TLN2: variants seen among roughly 807,000 people sequenced by gnomAD.
The protein encoded by TLN2 is talin 2.
In TLN2, 118 loss-of-function variants were observed where a neutral mutation model predicts 294.7. That is an observed-to-expected ratio of 0.40 (90% CI 0.34 to 0.47). The LOEUF is 0.47. TLN2 is among the 20% of genes least tolerant of loss of function. The probability of loss-of-function intolerance (pLI) is 0.84; values close to 1 mark genes in which losing one functional copy is unlikely to be tolerated. For missense variants in TLN2, 3,083 were observed against 3,282.2 expected (o/e 0.94, Z 1.48); for synonymous variants, 1,431 against 1,304.5 (o/e 1.10, Z -2.09).
At chr15:62,467,585 G>A (rs927299930) in intron 1 of TLN2, among the ~76,000 whole-genome samples, 1 of 152,144 alleles carries the variant, frequency 6.6e-6, no homozygotes, top group South Asian at 2.1e-4. Flanking sequence ...CCAGCTACTC[G>A]AGAGACTGAG....
chr15:62,438,379 C>G (rs1247223959), intron 1 of TLN2, among the ~76,000 whole-genome samples: 2 of 152,182 alleles, frequency 1.3e-5, no homozygotes, highest in African/African-American at 4.8e-5. Context: ...CTTAGTCTAT[C>G]TGAAAGGTCC....
intron 28 of TLN2, among the ~76,000 whole-genome samples, chr15:62,734,971 C>T (rs1226649775): frequency 6.6e-6 from 1 of 152,190 alleles, no homozygotes. Context: ...CCAGCTCAGT[C>T]CTGTAGAAAA....
intron 1 of TLN2, among the ~76,000 whole-genome samples, chr15:62,459,914 A>G (rs1375377903): frequency 6.6e-6 from 1 of 152,130 alleles, no homozygotes; most frequent in Non-Finnish European, 1.5e-5. Context: ...TTCCCCTTGA[A>G]TGATCAATTT....
intron 4 of TLN2, among the ~76,000 whole-genome samples, chr15:62,648,546 T>TGATGACGA (rs1491143096): frequency 2.6e-4 from 4 of 15,380 alleles, no homozygotes; most frequent in African/African-American, 9.6e-4. Flanking sequence ...ATGATGACGA[T>TGATGACGA]TTTTTTTTTT....
At chr15:62,759,092 C>G (rs2062495588) in intron 37 of TLN2, among the ~76,000 whole-genome samples, 1 of 152,096 alleles carries the variant, frequency 6.6e-6, no homozygotes, top group African/African-American at 2.4e-5. Flanking sequence ...GTAAATTTAC[C>G]CTTTCATCAT....
chr15:62,774,057 A>G (rs560273464), intron 42 of TLN2, among the ~76,000 whole-genome samples: 1 of 151,592 alleles, frequency 6.6e-6, no homozygotes, highest in Admixed American at 6.6e-5. Context: ...TTGATGGGCC[A>G]CCACAGATTC....
intron 1 of TLN2, among the ~76,000 whole-genome samples, chr15:62,539,363 A>C (rs1015458555): frequency 2.6e-5 from 4 of 152,012 alleles, no homozygotes; most frequent in African/African-American, 9.7e-5. Context: ...AATAGTCCTT[A>C]AGGTGGTGAT....
intron 4 of TLN2, among the ~76,000 whole-genome samples, chr15:62,649,610 C>T (rs111451054): frequency 6.6e-6 from 1 of 152,122 alleles, no homozygotes; most frequent in African/African-American, 2.4e-5. Flanking sequence ...CTCTTTTACA[C>T]CGCTCAGTTG....
intron 54 of TLN2, among the ~76,000 whole-genome samples, chr15:62,821,660 G>A (rs1489713457): frequency 2.6e-5 from 4 of 152,168 alleles, no homozygotes; most frequent in African/African-American, 9.7e-5. Context: ...ACTTGGTAAA[G>A]GCACTTAAAC....
At chr15:62,494,883 C>T (rs1277502833) in intron 1 of TLN2, among the ~76,000 whole-genome samples, 1 of 152,118 alleles carries the variant, frequency 6.6e-6, no homozygotes, top group African/African-American at 2.4e-5. Flanking sequence ...CTGCTTGGCT[C>T]CTCCAGACCT....
chr15:62,725,628 A>G (rs973553446), intron 27 of TLN2, among the ~76,000 whole-genome samples: 1 of 152,170 alleles, frequency 6.6e-6, no homozygotes, highest in Non-Finnish European at 1.5e-5. Flanking sequence ...ATGACTGAAC[A>G]TTGCTAGTAA....
chr15:62,397,636 A>G (rs2032662888), intron 1 of TLN2, among the ~76,000 whole-genome samples: 1 of 152,204 alleles, frequency 6.6e-6, no homozygotes, highest in Non-Finnish European at 1.5e-5. Flanking sequence ...AACCCACTGG[A>G]AACCAGGGCT....
chr15:62,407,524 T>C (rs2033477424), intron 1 of TLN2, among the ~76,000 whole-genome samples: 1 of 152,164 alleles, frequency 6.6e-6, no homozygotes, highest in South Asian at 2.1e-4. Context: ...TACCCTATCA[T>C]GGACATAATT....
chr15:62,485,953 G>A (rs766313921), intron 1 of TLN2, among the ~76,000 whole-genome samples: 9 of 151,998 alleles, frequency 5.9e-5, no homozygotes, highest in African/African-American at 1.7e-4. Context: ...GGTGCAAATC[G>A]AGTGTTTTGA....
intron 1 of TLN2, among the ~76,000 whole-genome samples, chr15:62,457,495 A>G (rs1298771074): frequency 6.6e-6 from 1 of 152,200 alleles, no homozygotes; most frequent in Non-Finnish European, 1.5e-5. Flanking sequence ...TCTTTAAAGC[A>G]GAGGCTGGTG....
chr15:62,727,745 A>G (rs999842800), intron 28 of TLN2, among the ~76,000 whole-genome samples: 1 of 152,224 alleles, frequency 6.6e-6, no homozygotes, highest in African/African-American at 2.4e-5. Flanking sequence ...AGAAAAGCAG[A>G]AAAGTTATAC....
intron 1 of TLN2, among the ~76,000 whole-genome samples, chr15:62,488,296 C>T (rs1459488838): frequency 6.6e-6 from 1 of 152,088 alleles, no homozygotes; most frequent in African/African-American, 2.4e-5. Context: ...AGACACGGTC[C>T]CTGATCTGCC....
Position 62,838,857 on chromosome 15 carries a change from C to T in TLN2, c.7376C>T (p.Ala2459Val), listed in dbSNP as rs765732583. The T allele has an allele frequency of 2.5e-5, 41 of 1,608,828 alleles. 1 individual carries two copies. The highest frequency in any genetic ancestry group is 1.8e-4 in the Admixed American group (11 of 59,626). The change falls in exon 58 of 59, where the codon GCG (alanine) becomes GTG (valine). Residue 2459 changes from alanine (A) to valine (V), a missense_variant and splice_region_variant. Physicochemically the swap from Ala to Val is moderately conservative, Grantham distance 64. Transcript: ENST00000636159. The stretch of plus-strand genomic sequence containing the variant: ...ATGTATGTTTTGTTCACTCTCCAGG[C>T]GGCAGGAAATGCTGTGAAAAGAGCC... ...QDSEAMRRLQ[A>V]AGNAVKRASD... is the part of the protein sequence containing the mutation.
intron 57 of TLN2, 64 bp downstream of exon 57, chr15:62,836,137 G>T: frequency 6.5e-7 from 1 of 1,538,396 alleles, no homozygotes; most frequent in South Asian, 1.2e-5. Context: ...CACCAGAGGG[G>T]ACAAGCCTCA....
Sources: gnomAD v4.1 joint callset for allele counts (sites outside exome capture counted in the v4.1 genomes callset) on GRCh38, gnomAD v4.1.1 for gene constraint, MANE v1.5 for transcripts, NCBI Gene and HGNC (gene_info 2026-07-23, HGNC 2026-07-21) for gene names.